Variants in RPS6KC1 observed in about 807,000 individuals in gnomAD.
RPS6KC1 encodes ribosomal protein S6 kinase C1, also known as inactive ribosomal protein S6 kinase delta-1.
Under a neutral mutation model 103.8 loss-of-function variants are expected in RPS6KC1, and 54 were observed. The ratio of observed to expected loss-of-function variants is 0.52; its 90% CI spans 0.42 to 0.65. RPS6KC1 has a LOEUF of 0.65. RPS6KC1 is among the 30% of genes least tolerant of loss of function. RPS6KC1 has a pLI of 0.00. For synonymous variants in RPS6KC1, 439 were observed against 438.7 expected, an observed-to-expected ratio of 1.00 and a Z score of -0.01; for missense variants, 1,151 against 1,253.8, an observed-to-expected ratio of 0.92 and a Z score of 1.24.
At chr1:213,733,920 C>T in the RPS6KC1 span, among the ~76,000 whole-genome samples, 1,678 of 152,258 alleles carry the variant, frequency 0.011, 28 homozygotes, top group African/African-American at 0.037. Flanking sequence ...CATCTCTCTG[C>T]AAATAAGTCA....
At chr1:213,384,284 AT>A in the RPS6KC1 span, among the ~76,000 whole-genome samples, 12 of 120,774 alleles carry the variant, frequency 9.9e-5, no homozygotes, top group African/African-American at 3.7e-4. Context: ...TCAAAAAAAA[AT>A]ATATATATAT....
At chr1:213,508,037 G>A in the RPS6KC1 span, among the ~76,000 whole-genome samples, 2 of 152,280 alleles carry the variant, frequency 1.3e-5, no homozygotes, top group African/African-American at 2.4e-5. Flanking sequence ...GGTGTACTTA[G>A]CGGTACTTAT....
chr1:213,615,455 GGA>G, the RPS6KC1 span, among the ~76,000 whole-genome samples: 1 of 151,930 alleles, frequency 6.6e-6, no homozygotes, highest in Middle Eastern at 3.6e-3. Context: ...GAGGAAGGAA[GGA>G]AGGCTTGATG....
chr1:213,608,837 A>G, the RPS6KC1 span, among the ~76,000 whole-genome samples: 1 of 152,202 alleles, frequency 6.6e-6, no homozygotes, highest in African/African-American at 2.4e-5. Flanking sequence ...TTAATGTAAA[A>G]TGGATTCATT....
chr1:213,151,319 G>A (rs1453662401), intron 6 of RPS6KC1, among the ~76,000 whole-genome samples: 9 of 127,120 alleles, frequency 7.1e-5, no homozygotes, highest in East Asian at 2.5e-4. Flanking sequence ...CTCACCTCCC[G>A]GACGGGGCGG....
chr1:213,628,356 T>G, the RPS6KC1 span, among the ~76,000 whole-genome samples: 10 of 152,328 alleles, frequency 6.6e-5, no homozygotes, highest in South Asian at 2.1e-4. Flanking sequence ...ATTTTGTTGA[T>G]CTTTTCAAAA....
At chr1:213,578,303 T>G in the RPS6KC1 span, among the ~76,000 whole-genome samples, 1 of 152,046 alleles carries the variant, frequency 6.6e-6, no homozygotes, top group Non-Finnish European at 1.5e-5. Context: ...AGGGGCAGAG[T>G]CCTCATAGAG....
intron 4 of RPS6KC1, among the ~76,000 whole-genome samples, chr1:213,111,959 C>T (rs1048110582): frequency 1.3e-5 from 2 of 152,020 alleles, no homozygotes; most frequent in Admixed American, 6.6e-5. Flanking sequence ...TACAAATTGT[C>T]GCTCCTAAAG....
At chr1:213,540,920 T>C in the RPS6KC1 span, among the ~76,000 whole-genome samples, 6,868 of 152,074 alleles carry the variant, frequency 0.045, 504 homozygotes, top group African/African-American at 0.16. Context: ...TTTCTTTGCT[T>C]ATCCATAGGA....
chr1:213,496,516 G>T, the RPS6KC1 span, among the ~76,000 whole-genome samples: 1 of 152,156 alleles, frequency 6.6e-6, no homozygotes, highest in Non-Finnish European at 1.5e-5. Context: ...TTAGCACTTT[G>T]GGAGGCTGAG....
At chr1:213,623,992 C>A in the RPS6KC1 span, among the ~76,000 whole-genome samples, 2 of 152,318 alleles carry the variant, frequency 1.3e-5, no homozygotes, top group South Asian at 4.1e-4. Context: ...AGCTAAAAAG[C>A]AGCATTGTGT....
the RPS6KC1 span, among the ~76,000 whole-genome samples, chr1:213,302,477 CAT>C: frequency 6.6e-6 from 1 of 152,150 alleles, no homozygotes; most frequent in Non-Finnish European, 1.5e-5. Flanking sequence ...GCCTGGGCAA[CAT>C]AGTGTGACTC....
chr1:213,626,079 T>C, the RPS6KC1 span, among the ~76,000 whole-genome samples: 1 of 152,184 alleles, frequency 6.6e-6, no homozygotes. Context: ...CTCCACATCC[T>C]CTCCAGCATC....
At chr1:213,724,193 T>C in the RPS6KC1 span, among the ~76,000 whole-genome samples, 1 of 152,194 alleles carries the variant, frequency 6.6e-6, no homozygotes, top group Non-Finnish European at 1.5e-5. Flanking sequence ...GTTGAAGTGA[T>C]CCTCCTGCCT....
chr1:213,609,393 G>A, the RPS6KC1 span, among the ~76,000 whole-genome samples: 1 of 152,012 alleles, frequency 6.6e-6, no homozygotes, highest in Admixed American at 6.6e-5. Context: ...TTGTCCTCAC[G>A]CCCACCATGA....
the RPS6KC1 span, among the ~76,000 whole-genome samples, chr1:213,285,153 G>A: frequency 4.6e-5 from 7 of 152,306 alleles, no homozygotes; most frequent in South Asian, 6.2e-4. Context: ...ACATGGTTGG[G>A]TTCTGGTGAG....
intron 12 of RPS6KC1, among the ~76,000 whole-genome samples, chr1:213,258,287 A>G (rs1485688207): frequency 6.6e-6 from 1 of 152,116 alleles, no homozygotes; most frequent in Non-Finnish European, 1.5e-5. Flanking sequence ...GTATTTTAGT[A>G]GAGATGCGGT....
At chr1:213,321,249 A>G in the RPS6KC1 span, among the ~76,000 whole-genome samples, 1 of 152,222 alleles carries the variant, frequency 6.6e-6, no homozygotes, top group Non-Finnish European at 1.5e-5. Context: ...TTCTGGGTAG[A>G]TAGTTTCTTC....
intron 8 of RPS6KC1, among the ~76,000 whole-genome samples, chr1:213,228,023 C>A (rs1359706448): frequency 6.6e-6 from 1 of 152,130 alleles, no homozygotes; most frequent in Non-Finnish European, 1.5e-5. Flanking sequence ...GCCCATTATC[C>A]TGCCTTTACA....
Sources: allele counts gnomAD v4.1 joint callset (sites outside exome capture counted in the v4.1 genomes callset), GRCh38; gene constraint gnomAD v4.1.1; transcripts MANE v1.5; gene names NCBI Gene and HGNC (gene_info 2026-07-23, HGNC 2026-07-21).